The following FMO4 variants were observed in gnomAD, a reference collection of about 807,000 sequenced individuals.
FMO4 encodes dimethylaniline monooxygenase [N-oxide-forming] 4.
In FMO4, 38 loss-of-function variants were observed where a neutral mutation model predicts 43.3. The observed-to-expected ratio is 0.88, with a 90% CI of 0.68 to 1.15. The LOEUF (loss-of-function observed/expected upper bound fraction) is 1.15. Ranked by LOEUF, FMO4 falls within the 50% of genes most tolerant of loss-of-function variation. FMO4 has a pLI of 0.00. For synonymous variants in FMO4, 224 were observed against 232.2 expected (o/e 0.96, Z 0.32); for missense variants, 631 against 663.3 (o/e 0.95, Z 0.54).
chr1:171,325,257 C>A (rs747347652), intron 5 of FMO4, among the ~76,000 whole-genome samples: 4 of 152,132 alleles, frequency 2.6e-5, no homozygotes, highest in Non-Finnish European at 4.4e-5. Flanking sequence ...AAATTGCCAT[C>A]ATTTTGAGGT....
At position 171,323,224 on chromosome 1, in the gene FMO4, G is replaced by A. The variant is rs749929308; in HGVS notation, c.321+32G>A. 20 of 1,434,084 alleles carry A rather than the reference G, an allele frequency of 1.4e-5. 1 individual carries two copies. Among genetic ancestry groups the A allele is most frequent in the Admixed American group, 5.4e-5 (3 of 55,674 alleles). The allele number at this position is 1,434,084 out of a possible 1,614,324, so 88.8% of individuals were successfully genotyped here. ...TACTTTGGGTTATGGAAGATGAATA[G>A]ATGGGGGCTGGCCTATTCAGCAATC... is the stretch of plus-strand genomic sequence containing the variant. On this transcript the variant is annotated intron_variant, in intron 4 of 9. Transcript: ENST00000367749.
chr1:171,329,035 A>ACCT (rs1662793744), intron 5 of FMO4, among the ~76,000 whole-genome samples: 1 of 152,210 alleles, frequency 6.6e-6, no homozygotes, highest in Non-Finnish European at 1.5e-5. Flanking sequence ...ACCTGCTATG[A>ACCT]GCTGACAGCA....
chr1:171,331,736 A>G lies in FMO4; in HGVS notation c.581A>G (p.Asn194Ser), dbSNP rs1662908059. 2 of 1,613,864 alleles carry G rather than the reference A, an allele frequency of 1.2e-6. No homozygotes were observed. The highest frequency in any genetic ancestry group is 1.1e-5 in the South Asian group (1 of 91,084). Residue 194 changes from asparagine to serine, a missense_variant, in exon 6 of 10, where the codon AAC becomes AGC. Transcript: ENST00000367749. ...CGCGTCTTGGTGATTGGTCTTGGGAACACTGGAGGAGACATTGCTGTGGAA... is the reference window on the plus strand; with the variant it reads ...CGCGTCTTGGTGATTGGTCTTGGGAGCACTGGAGGAGACATTGCTGTGGAA... ...GKRVLVIGLGNTGGDIAVELS... is the reference protein window; with the variant it reads ...GKRVLVIGLGSTGGDIAVELS...
At chr1:171,316,523 A>G (rs980292793) in intron 2 of FMO4, among the ~76,000 whole-genome samples, 196 bp downstream of exon 2, 5 of 152,170 alleles carry the variant, frequency 3.3e-5, no homozygotes, top group Non-Finnish European at 5.9e-5. Context: ...TTCAACATAG[A>G]TATTTTTATT....
intron 5 of FMO4, among the ~76,000 whole-genome samples, chr1:171,325,817 CTTTTTTTTTTTTTT>C (rs869107866): frequency 2.0e-5 from 1 of 50,986 alleles, no homozygotes; most frequent in Non-Finnish European, 4.0e-5. Context: ...ATAGACTATC[CTTTTTTTTTTTTTT>C]TTTTTTTTTT....
chr1:171,322,022 T>C, intron 3 of FMO4, among the ~76,000 whole-genome samples: 1 of 152,170 alleles, frequency 6.6e-6, no homozygotes, highest in East Asian at 1.9e-4. Context: ...TATAGACCTA[T>C]TTGTTTTGTT....
intron 3 of FMO4, among the ~76,000 whole-genome samples, chr1:171,322,403 G>A (rs1421612193): frequency 1.3e-5 from 2 of 152,214 alleles, no homozygotes; most frequent in Non-Finnish European, 2.9e-5. Flanking sequence ...TCATGGAATT[G>A]TTTAAGGACA....
In FMO4 at chr1:171,324,347, TAGA is replaced by T. The variant is rs762067994; in HGVS notation, c.484+50_484+52del. On this transcript the variant is annotated intron_variant, in intron 5 of 9. Coordinates refer to ENST00000367749, the MANE Select transcript of FMO4 (RefSeq NM_002022.3). Reference sequence around the variant, plus strand: ...CCATGCCTATGCTTCTGGGTTCTTCTAGAAGTAAACTTATTGATTTGCAGTTGG... The same window carrying T: ...CCATGCCTATGCTTCTGGGTTCTTCTAGTAAACTTATTGATTTGCAGTTGG... The T allele has an allele frequency of 3.4e-6, 5 of 1,461,280 alleles. No individual in the cohort carries two copies. In the African/African-American group the frequency reaches 4.2e-5, roughly 12 times the overall value. The allele number at this position is 1,461,280 out of a possible 1,614,324, so 90.5% of individuals were successfully genotyped here. A position where few individuals can be genotyped will look rare whatever the true frequency, so the allele number is the denominator to read the frequency against.
intron 5 of FMO4, among the ~76,000 whole-genome samples, chr1:171,325,083 G>A (rs45611031): frequency 3.9e-5 from 6 of 151,988 alleles, no homozygotes; most frequent in African/African-American, 9.7e-5. Context: ...AACTTCAGCC[G>A]GGGCCACAGA....
intron 3 of FMO4, among the ~76,000 whole-genome samples, chr1:171,321,005 A>G (rs894095565): frequency 1.1e-4 from 16 of 152,098 alleles, no homozygotes; most frequent in Non-Finnish European, 2.2e-4. Flanking sequence ...GCAACTACAT[A>G]TAAGCAGGAG....
At chr1:171,318,343 T>G (rs1317197120) in intron 2 of FMO4, among the ~76,000 whole-genome samples, 2 of 150,896 alleles carry the variant, frequency 1.3e-5, no homozygotes, top group African/African-American at 4.9e-5. Context: ...ATAATAATAA[T>G]AGTTGGGATG....
chr1:171,333,439 G>A (rs1662985009), intron 7 of FMO4, among the ~76,000 whole-genome samples: 1 of 152,040 alleles, frequency 6.6e-6, no homozygotes, highest in Admixed American at 6.6e-5. Context: ...GGCCAGGCTG[G>A]TTTTGAACTC....
Position 171,341,800 on chromosome 1 carries a change from C to T in FMO4, c.1638C>T (p.Asp546=). 1 of 1,613,646 alleles carries T rather than the reference C, an allele frequency of 6.2e-7. No homozygotes were observed. Among genetic ancestry groups the T allele is most frequent in the Non-Finnish European group, 8.5e-7 (1 of 1,179,824 alleles). ...FLKLVRDKLQ[D]RMSPYLVSLW... is the part of the protein sequence containing the mutation. ...AATTGGTGAGAGATAAACTACAGGA[C>T]AGAATGTCCCCTTACCTAGTAAGTC... Residue 546 remains aspartate (D), a synonymous_variant, in exon 10 of 10, where the codon GAC becomes GAT. Coordinates refer to ENST00000367749, the MANE Select transcript of FMO4 (RefSeq NM_002022.3).
chr1:171,314,614 G>T lies in FMO4; in HGVS notation c.-151+201G>T, dbSNP rs574747837. Among the ~76,000 whole-genome samples, 3 of 152,252 alleles carry T rather than the reference G, an allele frequency of 2.0e-5. No individual in the cohort carries two copies. The South Asian group carries it at 6.2e-4, about 32-fold the overall frequency. The stretch of plus-strand genomic sequence containing the variant: ...AGTTGTAAGGAAACAAAGTTATGTT[G>T]TGGACAGAACCATCCAAAAGGAAAG... On this transcript the variant is annotated intron_variant, in intron 1 of 9. Coordinates refer to ENST00000367749, the MANE Select transcript of FMO4 (RefSeq NM_002022.3).
intron 4 of FMO4, among the ~76,000 whole-genome samples, chr1:171,323,521 G>A (rs1444959168): frequency 6.6e-6 from 1 of 152,054 alleles, no homozygotes; most frequent in Non-Finnish European, 1.5e-5. Flanking sequence ...AAAATTAGCT[G>A]GGTGTGGTGG....
intron 8 of FMO4, among the ~76,000 whole-genome samples, chr1:171,337,134 ATC>A (rs1485019236): frequency 1.3e-5 from 2 of 152,154 alleles, no homozygotes; most frequent in Non-Finnish European, 2.9e-5. Context: ...CCATAGAGGC[ATC>A]TCTCCTCACA....
At chr1:171,317,791 G>A (rs1371136229) in intron 2 of FMO4, among the ~76,000 whole-genome samples, 1 of 152,118 alleles carries the variant, frequency 6.6e-6, no homozygotes, top group Non-Finnish European at 1.5e-5. Flanking sequence ...CTCAACCCAT[G>A]TAATATCCTT....
chr1:171,321,518 G>A (rs1444312533), intron 3 of FMO4, among the ~76,000 whole-genome samples: 1 of 152,048 alleles, frequency 6.6e-6, no homozygotes, highest in Admixed American at 6.6e-5. Context: ...TATATAAATA[G>A]CTGTTACACT....
At chr1:171,316,349 C>T (rs767633262) in intron 2 of FMO4, 22 bp downstream of exon 2, 7 of 152,054 alleles carry the variant, frequency 4.6e-5, no homozygotes, top group Non-Finnish European at 8.8e-5. Flanking sequence ...TACTCCTTTC[C>T]AAACTTGTTG....
Sources: allele counts gnomAD v4.1 joint callset (sites outside exome capture counted in the v4.1 genomes callset), GRCh38; gene constraint gnomAD v4.1.1; transcripts MANE v1.5; gene names NCBI Gene and HGNC (gene_info 2026-07-23, HGNC 2026-07-21).